The following LRCH2 variants were observed in gnomAD, a reference collection of about 807,000 sequenced individuals.
LRCH2 encodes leucine rich repeats and calponin homology domain containing 2.
A neutral mutation model predicts 68.9 loss-of-function variants in LRCH2; 38 were observed. The observed-to-expected ratio is 0.55, with a 90% CI of 0.43 to 0.72. LRCH2 has a LOEUF of 0.72. LRCH2 is among the 30% of genes least tolerant of loss of function. The pLI is 0.00. For synonymous variants in LRCH2, 191 were observed against 208.1 expected (o/e 0.92, Z 0.71); for missense variants, 528 against 572.9 (o/e 0.92, Z 0.80).
chrX:115,120,036 T>C (rs1299629828), intron 20 of LRCH2, among the ~76,000 whole-genome samples: 1 of 108,765 alleles, frequency 9.2e-6, no homozygotes, highest in Admixed American at 9.9e-5. Flanking sequence ...GGATTAAAGA[T>C]TTAAACGTTA....
At chrX:115,189,499 G>A in intron 1 of LRCH2, 1 of 1,182,438 alleles carries the variant, frequency 8.5e-7, no homozygotes, top group Non-Finnish European at 1.1e-6. Context: ...CCTCAAAACC[G>A]ACGAGAAAGC....
chrX:115,231,660 G>A (rs1227991769), intron 1 of LRCH2, among the ~76,000 whole-genome samples: 1 of 112,092 alleles, frequency 8.9e-6, no homozygotes, highest in African/African-American at 3.2e-5. Flanking sequence ...GCTTTGTGTT[G>A]AAGCTTGCCT....
At chrX:115,163,434 T>C in intron 11 of LRCH2, among the ~76,000 whole-genome samples, 1 of 111,545 alleles carries the variant, frequency 9.0e-6, no homozygotes, top group African/African-American at 3.2e-5. Context: ...TAATTTTATA[T>C]TCCCGTCCTA....
intron 14 of LRCH2, among the ~76,000 whole-genome samples, chrX:115,143,731 A>G (rs1005604058): frequency 8.9e-6 from 1 of 111,813 alleles, no homozygotes; most frequent in South Asian, 3.8e-4. Context: ...AAAATCTTCA[A>G]TAGAATACTA....
intron 11 of LRCH2, among the ~76,000 whole-genome samples, chrX:115,158,665 C>G (rs781841238): frequency 2.7e-5 from 3 of 111,664 alleles, no homozygotes; most frequent in African/African-American, 9.8e-5. Flanking sequence ...GAAAAACTCT[C>G]AAGACACACC....
Position 115,187,040 on chromosome X carries a change from G to A in LRCH2, c.494+1186C>T, listed in dbSNP as rs183112638. 4.4e-3 allele frequency among the ~76,000 whole-genome samples: 483 copies of A among 110,800 alleles called. 1 individual carries two copies. Among genetic ancestry groups the A allele is most frequent in the Middle Eastern group, 0.018 (4 of 217 alleles). On this transcript the variant is annotated intron_variant, in intron 2 of 20. Coordinates refer to ENST00000317135, the MANE Select transcript of LRCH2 (RefSeq NM_020871.4). ...TCACCATGTTAGCCAGGATGGTCTC[G>A]ATCTCCTAACCTCGTGATCCACCCG...
chrX:115,114,419 C>A (rs782140572), intron 20 of LRCH2, among the ~76,000 whole-genome samples: 1 of 110,334 alleles, frequency 9.1e-6, no homozygotes, highest in South Asian at 3.7e-4. Flanking sequence ...ACTTCAGCTT[C>A]CACCCTAGAA....
At chrX:115,133,231 CTCACA>C (rs782623911) in intron 14 of LRCH2, among the ~76,000 whole-genome samples, 1 of 112,245 alleles carries the variant, frequency 8.9e-6, no homozygotes, top group East Asian at 2.8e-4. Context: ...TGCTGCTCCT[CTCACA>C]TCAAAGAATC....
At chrX:115,220,097 T>C (rs782139663) in intron 1 of LRCH2, among the ~76,000 whole-genome samples, 5 of 112,359 alleles carry the variant, frequency 4.5e-5, no homozygotes, top group South Asian at 3.7e-4. Context: ...AGAATTTATA[T>C]AGAGAATGCA....
chrX:115,207,368 A>C (rs2072976092), intron 1 of LRCH2, among the ~76,000 whole-genome samples: 1 of 109,985 alleles, frequency 9.1e-6, no homozygotes, highest in Admixed American at 9.7e-5. Flanking sequence ...GCGAAACCCT[A>C]TCTCTACAAA....
intron 6 of LRCH2, among the ~76,000 whole-genome samples, chrX:115,167,008 C>A (rs1455355574): frequency 5.6e-5 from 6 of 107,878 alleles, no homozygotes; most frequent in Non-Finnish European, 7.7e-5. Flanking sequence ...AAAACTGTAG[C>A]AAATTGATGG....
intron 5 of LRCH2, among the ~76,000 whole-genome samples, chrX:115,178,324 T>G (rs1377150835): frequency 2.7e-5 from 3 of 111,970 alleles, no homozygotes; most frequent in Non-Finnish European, 5.6e-5. Context: ...TTTAAATAAA[T>G]CAAATTAAAA....
At chrX:115,179,285 G>T in intron 5 of LRCH2, 142 bp downstream of exon 5, 1 of 419,610 alleles carries the variant, frequency 2.4e-6, no homozygotes, top group Non-Finnish European at 3.7e-6. Flanking sequence ...AGTGCAAAAG[G>T]CAATGCTCAG....
intron 14 of LRCH2, among the ~76,000 whole-genome samples, chrX:115,141,896 AAAAG>A (rs1421156990): frequency 9.2e-6 from 1 of 109,228 alleles, no homozygotes; most frequent in Non-Finnish European, 1.9e-5. Flanking sequence ...GAAAGAAAGA[AAAAG>A]AAAAAAGAAA....
chrX:115,124,293 A>G (rs1227776157), intron 16 of LRCH2, among the ~76,000 whole-genome samples: 2 of 111,997 alleles, frequency 1.8e-5, no homozygotes, highest in African/African-American at 6.5e-5. Flanking sequence ...TTTTTGAAAG[A>G]ATCAGACTGA....
intron 14 of LRCH2, among the ~76,000 whole-genome samples, chrX:115,145,548 AG>A (rs1232958410): frequency 1.8e-5 from 2 of 111,485 alleles, no homozygotes; most frequent in Non-Finnish European, 3.8e-5. Flanking sequence ...CCATATGACA[AG>A]GAATTAATAA....
Position 115,173,370 on chromosome X carries a change from G to A in LRCH2, c.865-2938C>T, listed in dbSNP as rs987951280. Among the ~76,000 whole-genome samples the A allele has an allele frequency of 7.2e-5, 8 of 111,562 alleles. No homozygotes were observed. The East Asian group carries it at 2.0e-3, about 28-fold the overall frequency. ...CAAAGGTCTCGAGTAAACACCGCTA[G>A]AAGGTAATTAACACTGCCAACCCCT... On this transcript the variant is annotated intron_variant, in intron 5 of 20. Coordinates refer to ENST00000317135, the MANE Select transcript of LRCH2 (RefSeq NM_020871.4).
At chrX:115,139,257 G>C (rs2072315817) in intron 14 of LRCH2, 1 of 111,625 alleles carries the variant, frequency 9.0e-6, no homozygotes, top group Admixed American at 9.5e-5. Flanking sequence ...CATAGAAAAT[G>C]TGTCAAAATA....
intron 11 of LRCH2, 60 bp from the exon 12 acceptor site, chrX:115,156,727 T>TA (rs1178631671): frequency 3.9e-4 from 286 of 726,342 alleles, no homozygotes; most frequent in East Asian, 9.3e-4. Context: ...TCACATGATA[T>TA]AAAAAAAATC....
Sources: allele counts gnomAD v4.1 joint callset (sites outside exome capture counted in the v4.1 genomes callset), GRCh38; gene constraint gnomAD v4.1.1; transcripts MANE v1.5; gene names NCBI Gene and HGNC (gene_info 2026-07-23, HGNC 2026-07-21).